Variants in TAF4 observed in about 807,000 individuals in gnomAD.
TAF4 encodes the protein TATA-box binding protein associated factor 4, also known as transcription initiation factor TFIID subunit 4.
Under a neutral mutation model 90.3 loss-of-function variants are expected in TAF4, and 9 were observed. That is an observed-to-expected ratio of 0.10 (90% CI 0.06 to 0.17). The LOEUF (loss-of-function observed/expected upper bound fraction) is 0.17. TAF4 is among the 10% of genes least tolerant of loss of function. The pLI is 1.00. For missense variants in TAF4, 1,351 were observed against 1,370.7 expected (o/e 0.99, Z 0.23); for synonymous variants, 818 against 638.9 (o/e 1.28, Z -4.23).
chr20:61,975,974 AGTATCCACAGGCCTTTGT>A lies in TAF4; in HGVS notation c.*176_*193del, dbSNP rs2123082063. 1.7e-6 allele frequency: 1 copy of A among 604,670 alleles called. No individual in the cohort carries two copies. Among genetic ancestry groups the A allele is most frequent in the East Asian group, 2.8e-5 (1 of 35,766 alleles). The allele number at this position is 604,670 out of a possible 1,614,324, so 37.5% of individuals were successfully genotyped here. A position where few individuals can be genotyped will look rare whatever the true frequency, so the allele number is the denominator to read the frequency against. Reference sequence around the variant, plus strand: ...AGTTAAGATTTAATTGTCCTTTAAGAGTATCCACAGGCCTTTGTGTTCTCTCTGTTACAGAAACGTGTT... The same window carrying A: ...AGTTAAGATTTAATTGTCCTTTAAGAGTTCTCTCTGTTACAGAAACGTGTT... On this transcript the variant is annotated 3_prime_UTR_variant, in exon 15 of 15. Transcript: ENST00000252996.
intron 1 of TAF4, among the ~76,000 whole-genome samples, chr20:62,050,503 G>T (rs749723272): frequency 6.6e-6 from 1 of 151,972 alleles, no homozygotes; most frequent in African/African-American, 2.4e-5. Flanking sequence ...CCGGGGTGCT[G>T]GCAGCACAGT....
At chr20:62,019,865 C>G (rs1368380599) in intron 1 of TAF4, among the ~76,000 whole-genome samples, 1 of 152,246 alleles carries the variant, frequency 6.6e-6, no homozygotes. Flanking sequence ...CACAACCACA[C>G]GGGCACCTGC....
chr20:62,060,395 A>G (rs1027421209), intron 1 of TAF4, among the ~76,000 whole-genome samples: 2 of 152,252 alleles, frequency 1.3e-5, no homozygotes, highest in Non-Finnish European at 2.9e-5. Context: ...AGAGGCTCCT[A>G]AGAGCGTCAC....
At chr20:62,000,019 T>C (rs908569049) in intron 11 of TAF4, 105 bp downstream of exon 11, 77 of 1,472,662 alleles carry the variant, frequency 5.2e-5, no homozygotes, top group Non-Finnish European at 6.8e-5. Flanking sequence ...ATGGAGGCAC[T>C]TGGGACCCAC....
rs1158630093 is a variant in TAF4, at chr20:62,006,982, A to G, written c.1975-224T>C. The G allele has an allele frequency of 2.1e-6, 1 of 475,440 alleles. No homozygotes were observed. The highest frequency in any genetic ancestry group is 3.5e-5 in the East Asian group (1 of 28,210). The allele number at this position is 475,440 out of a possible 1,614,324, so 29.5% of individuals were successfully genotyped here. A position where few individuals can be genotyped will look rare whatever the true frequency, so the allele number is the denominator to read the frequency against. On this transcript the variant is annotated intron_variant, in intron 6 of 14. Coordinates refer to ENST00000252996, the MANE Select transcript of TAF4 (RefSeq NM_003185.4). The surrounding 1 kb of genome is among the most constrained non-coding windows in gnomAD (Gnocchi z 7.0). ...GCAAATGTCCAAAATGTGTTCAAGA[A>G]AACAAACAAAAAGAGACATATTTTT...
intron 4 of TAF4, 46 bp from the exon 5 acceptor site, chr20:62,009,220 A>AT (rs773503856): frequency 2.9e-5 from 45 of 1,562,736 alleles, no homozygotes; most frequent in Non-Finnish European, 3.7e-5. Context: ...TAAAAGGCAG[A>AT]TTTTTGTCAC....
At chr20:61,989,236 G>C (rs1313099897) in intron 14 of TAF4, among the ~76,000 whole-genome samples, 1 of 152,070 alleles carries the variant, frequency 6.6e-6, no homozygotes, top group Non-Finnish European at 1.5e-5. Flanking sequence ...TGGGAGCAGG[G>C]GCCCCAGCAA....
At chr20:62,034,083 A>C (rs1375769946) in intron 1 of TAF4, among the ~76,000 whole-genome samples, 1 of 151,984 alleles carries the variant, frequency 6.6e-6, no homozygotes, top group Non-Finnish European at 1.5e-5. Flanking sequence ...GAACTTCCTT[A>C]ACTTCCCCTC....
intron 1 of TAF4, among the ~76,000 whole-genome samples, chr20:62,040,488 G>T (rs1401912767): frequency 6.6e-6 from 1 of 152,248 alleles, no homozygotes; most frequent in African/African-American, 2.4e-5. Context: ...CACCCCCAGG[G>T]GCACGAGGCT....
chr20:61,976,374 C>A (rs745600756), intron 14 of TAF4, 39 bp from the exon 15 acceptor site: 2 of 1,606,830 alleles, frequency 1.2e-6, no homozygotes, highest in South Asian at 1.1e-5. Context: ...GTTAGTGGGG[C>A]TCAGAGTGGG....
intron 1 of TAF4, among the ~76,000 whole-genome samples, chr20:62,038,482 G>A (rs1344499225): frequency 6.6e-6 from 1 of 151,848 alleles, no homozygotes; most frequent in Non-Finnish European, 1.5e-5. Context: ...ACCGCGCCCG[G>A]CCAAAAGCAA....
chr20:62,026,040 G>A (rs1277144285), intron 1 of TAF4, among the ~76,000 whole-genome samples: 2 of 152,194 alleles, frequency 1.3e-5, no homozygotes, highest in African/African-American at 4.8e-5. Flanking sequence ...AGAGCCCTTA[G>A]AGAGCAAGAA....
At chr20:61,991,256 T>C (rs2055629454) in intron 14 of TAF4, among the ~76,000 whole-genome samples, 2 of 151,522 alleles carry the variant, frequency 1.3e-5, no homozygotes, top group African/African-American at 4.9e-5. Flanking sequence ...CTGTCTCTAC[T>C]AAAAATACAA....
chr20:61,994,615 C>T (rs1305837618), intron 14 of TAF4, among the ~76,000 whole-genome samples: 2 of 152,210 alleles, frequency 1.3e-5, no homozygotes, highest in African/African-American at 4.8e-5. Flanking sequence ...TCAGAGGTCA[C>T]TGCTAGCATG....
intron 14 of TAF4, among the ~76,000 whole-genome samples, chr20:61,984,345 A>G (rs1015506510): frequency 6.6e-6 from 1 of 152,166 alleles, no homozygotes; most frequent in Non-Finnish European, 1.5e-5. Flanking sequence ...AAAACCTAAC[A>G]CAAGTGCACA....
intron 1 of TAF4, among the ~76,000 whole-genome samples, chr20:62,044,801 C>T (rs142321995): frequency 5.3e-5 from 8 of 152,242 alleles, no homozygotes; most frequent in Admixed American, 1.3e-4. Context: ...CCAGCGCTGC[C>T]GAAACTGCTC....
At chr20:62,061,508 C>T (rs1026416972) in intron 1 of TAF4, among the ~76,000 whole-genome samples, 2 of 152,224 alleles carry the variant, frequency 1.3e-5, no homozygotes, top group Admixed American at 1.3e-4. Context: ...GACCAAGATA[C>T]ACTGAAGAAA....
chr20:62,003,688 C>T (rs2055722869), intron 8 of TAF4, 43 bp downstream of exon 8: 1 of 1,522,488 alleles, frequency 6.6e-7, no homozygotes, highest in African/African-American at 1.4e-5. Flanking sequence ...GCTCTGGGAG[C>T]AGCCCTTGGT....
chr20:62,003,635 A>C, intron 8 of TAF4, 96 bp downstream of exon 8: 1 of 1,392,124 alleles, frequency 7.2e-7, no homozygotes. Context: ...ATTTTATGTA[A>C]ATGTACATTT....
Sources: allele counts gnomAD v4.1 joint callset (sites outside exome capture counted in the v4.1 genomes callset), GRCh38; gene constraint gnomAD v4.1.1; non-coding constraint Gnocchi (gnomAD v3.1); transcripts MANE v1.5; gene names NCBI Gene and HGNC (gene_info 2026-07-23, HGNC 2026-07-21).